ACTN2: variants seen among roughly 807,000 people sequenced by gnomAD.
ACTN2 encodes actinin alpha 2, also known as alpha-actinin-2.
ACTN2 carries 39 observed loss-of-function variants against 113.8 expected under a neutral mutation model. The ratio of observed to expected loss-of-function variants is 0.34; its 90% CI spans 0.27 to 0.45. The LOEUF (loss-of-function observed/expected upper bound fraction) is 0.45, where lower values mean the gene tolerates loss of function less well. ACTN2 is among the 20% of genes least tolerant of loss of function. The pLI, the probability that ACTN2 is intolerant of heterozygous loss-of-function variation, is 1.00. For synonymous variants in ACTN2, 429 were observed against 444.1 expected, an observed-to-expected ratio of 0.97 and a Z score of 0.43; for missense variants, 992 against 1,177.9, an observed-to-expected ratio of 0.84 and a Z score of 2.31.
At position 236,755,342 on chromosome 1, in the gene ACTN2, G is replaced by A; in HGVS notation, c.2154+144G>A. 7 of 939,860 alleles carry A rather than the reference G, an allele frequency of 7.4e-6. No homozygotes were observed. The South Asian group carries it at 9.8e-5, about 13-fold the overall frequency. 58.2% of individuals were successfully genotyped at this position (939,860 alleles called of 1,614,324 possible). On this transcript the variant is annotated intron_variant, in intron 17 of 20. Transcript: ENST00000366578. The stretch of plus-strand genomic sequence containing the variant: ...AGTTAGGGATCTTTAAGCCTTTCCA[G>A]TCACTATTTGTGGAAATGCTTCGTG...
intron 1 of ACTN2, 59 bp from the exon 2 acceptor site, chr1:236,717,799 G>T: frequency 8.2e-7 from 1 of 1,213,010 alleles, no homozygotes; most frequent in South Asian, 1.2e-5. Context: ...TGTCGTCTGT[G>T]AGGAAGGGAT....
Position 236,754,401 on chromosome 1 carries a change from A to G in ACTN2, c.1974+320A>G, listed in dbSNP as rs930895735. The stretch of plus-strand genomic sequence containing the variant: ...CTCTGCAGGGCCTGGATTTCAAACC[A>G]TCTATCCCTACAAGGAGGACACGTG... On this transcript the variant is annotated intron_variant, in intron 16 of 20. Transcript: ENST00000366578. The surrounding 1 kb of genome is among the most constrained non-coding windows in gnomAD (Gnocchi z 4.9). Among the ~76,000 whole-genome samples, 6 of 152,188 alleles carry G rather than the reference A, an allele frequency of 3.9e-5. No homozygotes were observed. Among genetic ancestry groups the G allele is most frequent in the Admixed American group, 6.5e-5 (1 of 15,280 alleles).
intron 9 of ACTN2, 92 bp downstream of exon 9, chr1:236,737,306 T>C (rs1161774979): frequency 3.4e-6 from 1 of 294,544 alleles, no homozygotes; most frequent in Non-Finnish European, 7.0e-6. Context: ...GGCATATATA[T>C]ATATATATAT....
In ACTN2 at chr1:236,757,339, G is replaced by A. The variant is rs974813833; in HGVS notation, c.2155-147G>A. 5.2e-5 allele frequency: 54 copies of A among 1,039,030 alleles called. No individual in the cohort carries two copies. In the East Asian group the frequency reaches 1.3e-3, roughly 24 times the overall value. The allele number at this position is 1,039,030 out of a possible 1,614,324, so 64.4% of individuals were successfully genotyped here. A position where few individuals can be genotyped will look rare whatever the true frequency, so the allele number is the denominator to read the frequency against. On this transcript the variant is annotated intron_variant, in intron 17 of 20. Transcript: ENST00000366578. ...ACAGAATCTTGCAACAGATGACAAA[G>A]TAGAATTTTTTTTCAAGTGTGGGGA... is the stretch of plus-strand genomic sequence containing the variant.
intron 10 of ACTN2, among the ~76,000 whole-genome samples, chr1:236,741,522 C>T (rs1659066446): frequency 6.6e-6 from 1 of 152,206 alleles, no homozygotes; most frequent in Admixed American, 6.5e-5. Flanking sequence ...TATCACTGTC[C>T]TCTAAGTTGC....
chr1:236,723,662 G>C (rs56904538), intron 4 of ACTN2, among the ~76,000 whole-genome samples: 28 of 151,972 alleles, frequency 1.8e-4, no homozygotes, highest in African/African-American at 6.5e-4. Flanking sequence ...GATGGGATTC[G>C]CCATCTTGGG....
At position 236,727,640 on chromosome 1, in the gene ACTN2, A is replaced by C. The variant is rs558985472; in HGVS notation, c.537-38A>C. On this transcript the variant is annotated intron_variant, in intron 5 of 20. Transcript: ENST00000366578. ...AGATGCTGGCTGCTTCTTTCTCTCC[A>C]CTAACACGTGTTCCTGTTCTTCTCG... 34 of 1,609,446 alleles carry C rather than the reference A, an allele frequency of 2.1e-5. No homozygotes were observed. In the South Asian group the frequency reaches 3.7e-4, roughly 18 times the overall value.
chr1:236,742,860 T>C (rs1659113423), intron 10 of ACTN2, 36 bp from the exon 11 acceptor site: 6 of 1,614,108 alleles, frequency 3.7e-6, no homozygotes, highest in Non-Finnish European at 5.1e-6. Flanking sequence ...AGGTGCTTGT[T>C]ACACATTTGC....
intron 12 of ACTN2, among the ~76,000 whole-genome samples, chr1:236,746,864 C>T (rs1659253040): frequency 6.6e-6 from 1 of 152,186 alleles, no homozygotes; most frequent in East Asian, 1.9e-4. Context: ...CTTTCTGTCT[C>T]TAAGTGGAAG....
chr1:236,746,165 CAAAAA>C (rs55953102), intron 12 of ACTN2, among the ~76,000 whole-genome samples: 1 of 80,406 alleles, frequency 1.2e-5, no homozygotes, highest in Non-Finnish European at 2.5e-5. Flanking sequence ...GACTCCATCT[CAAAAA>C]AAAAAAAAAA....
At chr1:236,700,074 C>T (rs1302846410) in intron 1 of ACTN2, among the ~76,000 whole-genome samples, 1 of 152,188 alleles carries the variant, frequency 6.6e-6, no homozygotes, top group Non-Finnish European at 1.5e-5. Flanking sequence ...CCACATTCTC[C>T]TTATGATTTT....
chr1:236,712,368 G>A (rs1440344394), intron 1 of ACTN2, among the ~76,000 whole-genome samples: 1 of 152,128 alleles, frequency 6.6e-6, no homozygotes, highest in African/African-American at 2.4e-5. Flanking sequence ...AACAGCTGGA[G>A]TCTTTTTTCT....
At chr1:236,748,796 T>C (rs1007741736) in intron 13 of ACTN2, among the ~76,000 whole-genome samples, 1 of 152,246 alleles carries the variant, frequency 6.6e-6, no homozygotes, top group African/African-American at 2.4e-5. Context: ...GGTCCTCTTA[T>C]AAAGTCCTGC....
chr1:236,702,848 G>A (rs1034977565), intron 1 of ACTN2, among the ~76,000 whole-genome samples: 1 of 152,158 alleles, frequency 6.6e-6, no homozygotes, highest in African/African-American at 2.4e-5. Flanking sequence ...CAGAGAATAT[G>A]GTGTATTACA....
At chr1:236,742,198 T>C (rs564350827) in intron 10 of ACTN2, among the ~76,000 whole-genome samples, 26 of 152,266 alleles carry the variant, frequency 1.7e-4, no homozygotes, top group African/African-American at 5.5e-4. Flanking sequence ...TTTTTTCCCA[T>C]ACGGCATTTT....
intron 10 of ACTN2, 143 bp from the exon 11 acceptor site, chr1:236,742,753 G>A (rs1247778938): frequency 3.1e-6 from 3 of 968,256 alleles, no homozygotes; most frequent in African/African-American, 1.6e-5. Context: ...GGTTATTGAG[G>A]TGGGGGGTAA....
At chr1:236,734,493 A>G (rs1466569704) in intron 7 of ACTN2, 2 of 1,535,674 alleles carry the variant, frequency 1.3e-6, no homozygotes, top group Non-Finnish European at 1.7e-6. Flanking sequence ...TCCTGTTACT[A>G]TCATGCTTTT....
At chr1:236,689,302 TATATATATATATATATATATA>T (rs923746838) in intron 1 of ACTN2, among the ~76,000 whole-genome samples, 7 of 2,566 alleles carry the variant, frequency 2.7e-3, no homozygotes, top group African/African-American at 6.1e-3. Flanking sequence ...ACAGATGTGA[TATATATATATATATATATATA>T]TATATATATA....
At chr1:236,761,720 C>A (rs917404581) in intron 20 of ACTN2, among the ~76,000 whole-genome samples, 1 of 152,042 alleles carries the variant, frequency 6.6e-6, no homozygotes, top group Non-Finnish European at 1.5e-5. Flanking sequence ...TTTTACCCCC[C>A]AAACAATAAA....
Sources: gnomAD v4.1 joint callset for allele counts (sites outside exome capture counted in the v4.1 genomes callset) on GRCh38, gnomAD v4.1.1 for gene constraint, Gnocchi (gnomAD v3.1) non-coding constraint, MANE v1.5 for transcripts, NCBI Gene and HGNC (gene_info 2026-07-23, HGNC 2026-07-21) for gene names.